HEBP2: variants seen among roughly 807,000 people sequenced by gnomAD.
The protein encoded by HEBP2 is heme-binding protein 2.
HEBP2 carries 27 observed loss-of-function variants against 23.1 expected under a neutral mutation model. The ratio of observed to expected loss-of-function variants is 1.17; its 90% CI spans 0.86 to 1.61. The LOEUF is 1.61. Among genes scored for constraint, HEBP2 ranks in the 40% most tolerant of loss-of-function variants. HEBP2 has a pLI of 0.00. For synonymous variants in HEBP2, 99 were observed against 95.1 expected, an observed-to-expected ratio of 1.04 and a Z score of -0.24; for missense variants, 245 against 253.8, an observed-to-expected ratio of 0.97 and a Z score of 0.24.
Position 138,405,266 on chromosome 6 carries a change from G to A in HEBP2, c.224G>A (p.Gly75Asp). Reference protein sequence around the residue: ...GFTKLNSYIQGKNEKEMKIKM... With the variant: ...GFTKLNSYIQDKNEKEMKIKM... ...ACGAAACTGAACAGCTACATTCAAG[G>A]CAAAAACGAGAAAGGTAAAAGCAGT... The change falls in exon 2 of 4, where the codon GGC becomes GAC. Residue 75 changes from glycine to aspartate, a missense_variant. Coordinates refer to ENST00000607197, the MANE Select transcript of HEBP2 (RefSeq NM_014320.3). 6.2e-7 allele frequency: 1 copy of A among 1,613,984 alleles called. No homozygotes were observed. The highest frequency in any genetic ancestry group is 8.5e-7 in the Non-Finnish European group (1 of 1,179,974).
Position 138,414,584 on chromosome 6 carries a change from G to A in HEBP2, c.*1506G>A, listed in dbSNP as rs1419344942. 6.6e-6 allele frequency: 1 copy of A among 152,244 alleles called. No individual in the cohort carries two copies. Among genetic ancestry groups the A allele is most frequent in the Non-Finnish European group, 1.5e-5 (1 of 68,072 alleles). 9.4% of individuals were successfully genotyped at this position (152,244 alleles called of 1,614,324 possible). ...TACCAGCCGCCCAGCTGTGAGGGGT[G>A]TGGTTCGCCGACAGTCTCCCCGTTA... On this transcript the variant is annotated 3_prime_UTR_variant, in exon 4 of 4. Transcript: ENST00000607197.
At position 138,415,653 on chromosome 6, in the gene HEBP2, A is replaced by G. The variant is rs1002316482; in HGVS notation, c.*2575A>G. ...CTCATCTCATGCTGTAGCCAAGCAG[A>G]GCAAGCTGAAGGCCAAGCACAGGAT... is the stretch of plus-strand genomic sequence containing the variant. On this transcript the variant is annotated 3_prime_UTR_variant, in exon 4 of 4. Transcript: ENST00000607197. 1 of 152,190 alleles carries G rather than the reference A, an allele frequency of 6.6e-6. No individual in the cohort carries two copies. The highest frequency in any genetic ancestry group is 1.5e-5 in the Non-Finnish European group (1 of 68,024). The allele number at this position is 152,190 out of a possible 1,614,324, so 9.4% of individuals were successfully genotyped here.
intron 3 of HEBP2, chr6:138,412,117 C>G (rs779497445): frequency 6.8e-6 from 3 of 437,996 alleles, no homozygotes; most frequent in South Asian, 3.2e-5. Context: ...AAGTGAAAAT[C>G]GAGTCTGGAA....
intron 3 of HEBP2, 101 bp downstream of exon 3, chr6:138,406,252 C>T: frequency 9.5e-7 from 1 of 1,054,940 alleles, no homozygotes; most frequent in Admixed American, 2.2e-5. Flanking sequence ...TTCACCCTTC[C>T]ATAAAATCAG....
At chr6:138,404,184 A>C, upstream of HEBP2, 2 of 260,356 alleles carry the variant, frequency 7.7e-6, no homozygotes, top group Non-Finnish European at 1.4e-5. Context: ...CGGGGGCGGA[A>C]GTGCCTCAAA....
Position 138,413,015 on chromosome 6 carries a change from G to T in HEBP2, c.555G>T (p.Leu185Phe). 6.2e-7 allele frequency: 1 copy of T among 1,613,984 alleles called. No individual in the cohort carries two copies. The highest frequency in any genetic ancestry group is 1.1e-5 in the South Asian group (1 of 91,078). The change falls in exon 4 of 4, where the codon TTG becomes TTT. Residue 185 changes from leucine (L) to phenylalanine (F), a missense_variant. Leu to Phe is a conservative substitution (Grantham distance 22). Transcript: ENST00000607197. Reference protein sequence around the residue: ...YTAGYNSPVKLLNRNNEVWLI... With the variant: ...YTAGYNSPVKFLNRNNEVWLI... ...CAGGCTACAACAGTCCTGTCAAATT[G>T]CTTAATAGAAATAATGAAGTGTGGT...
chr6:138,411,464 C>T (rs1010248439), intron 3 of HEBP2, among the ~76,000 whole-genome samples: 4 of 152,220 alleles, frequency 2.6e-5, no homozygotes, highest in African/African-American at 9.6e-5. Flanking sequence ...CTAGTTCTGA[C>T]TCACCTTCCT....
At chr6:138,408,431 A>T (rs1192433253) in intron 3 of HEBP2, among the ~76,000 whole-genome samples, 1 of 152,168 alleles carries the variant, frequency 6.6e-6, no homozygotes, top group East Asian at 1.9e-4. Context: ...TTGCCATGTC[A>T]TGACAAGGGT....
In HEBP2 at chr6:138,411,836, A is replaced by AGCAACTTG. The variant is rs1455068695; in HGVS notation, c.420-1042_420-1035dup. ...TAGTCCGATGTGCACCTGTGGTTCC[A>AGCAACTTG]GCAACTTGGGAGGCTGAGGTGGGAG... On this transcript the variant is annotated intron_variant, in intron 3 of 3. Transcript: ENST00000607197. Among the ~76,000 whole-genome samples, 6 of 152,284 alleles carry AGCAACTTG rather than the reference A, an allele frequency of 3.9e-5. No individual in the cohort carries two copies. The East Asian group carries it at 7.7e-4, about 20-fold the overall frequency.
In HEBP2 at chr6:138,413,188, C is replaced by A; in HGVS notation, c.*110C>A. ...CTAGTGTCTTCTATTGAGAGTACTA[C>A]TATTAATTAAGCTTATTTCCAATGT... On this transcript the variant is annotated 3_prime_UTR_variant, in exon 4 of 4. Coordinates refer to ENST00000607197, the MANE Select transcript of HEBP2 (RefSeq NM_014320.3). 1 of 786,386 alleles carries A rather than the reference C, an allele frequency of 1.3e-6. No homozygotes were observed. Among genetic ancestry groups the A allele is most frequent in the Non-Finnish European group, 2.1e-6 (1 of 482,376 alleles). The allele number at this position is 786,386 out of a possible 1,614,324, so 48.7% of individuals were successfully genotyped here.
At chr6:138,408,487 G>T (rs1441540415) in intron 3 of HEBP2, among the ~76,000 whole-genome samples, 1 of 151,932 alleles carries the variant, frequency 6.6e-6, no homozygotes, top group African/African-American at 2.4e-5. Flanking sequence ...TTCCATCCGA[G>T]ACCTTATGAG....
At position 138,420,418 on chromosome 6, in the gene HEBP2, G is replaced by A. The variant is rs1438083391; in HGVS notation, c.*7340G>A. 6.6e-6 allele frequency: 1 copy of A among 152,168 alleles called. No individual in the cohort carries two copies. Among genetic ancestry groups the A allele is most frequent in the Non-Finnish European group, 1.5e-5 (1 of 68,044 alleles). The allele number at this position is 152,168 out of a possible 1,614,324, so 9.4% of individuals were successfully genotyped here. ...GGGAAAATGGATCCACATAGGCAAG[G>A]GGTGGACCATGGCAGGCATAGAGCG... is the stretch of plus-strand genomic sequence containing the variant. On this transcript the variant is annotated 3_prime_UTR_variant, in exon 4 of 4. Transcript: ENST00000607197.
At chr6:138,405,603 C>T (rs759503863) in intron 2 of HEBP2, among the ~76,000 whole-genome samples, 1 of 152,178 alleles carries the variant, frequency 6.6e-6, no homozygotes, top group Non-Finnish European at 1.5e-5. Flanking sequence ...AGATTAGAAG[C>T]ATCAAGTCAT....
rs752182637 is a variant in HEBP2 at position 138,405,956 on chromosome 6, A to T, written c.239-15A>T. On this transcript the variant is annotated splice_polypyrimidine_tract_variant and intron_variant, in intron 2 of 3. Transcript: ENST00000607197. Reference sequence around the variant, plus strand: ...TCAAAAATACACTAAATTTGCTTTCATTTTTATGTCACAGAGATGAAAATA... The same window carrying T: ...TCAAAAATACACTAAATTTGCTTTCTTTTTTATGTCACAGAGATGAAAATA... The T allele has an allele frequency of 1.2e-6, 2 of 1,603,206 alleles. No individual in the cohort carries two copies. The highest frequency in any genetic ancestry group is 1.7e-6 in the Non-Finnish European group (2 of 1,174,924).
chr6:138,405,003 G>A lies in HEBP2; in HGVS notation c.103-142G>A, dbSNP rs1262599453. 3.6e-6 allele frequency: 3 copies of A among 822,704 alleles called. No homozygotes were observed. In the African/African-American group the frequency reaches 5.2e-5, roughly 14 times the overall value. 51.0% of individuals were successfully genotyped at this position (822,704 alleles called of 1,614,324 possible). ...GGAACCTCCCAGACCTAAGGAGCGG[G>A]GACCTCAGGCCGGACCCCGGGGCGG... On this transcript the variant is annotated intron_variant, in intron 1 of 3. Transcript: ENST00000607197.
intron 3 of HEBP2, 88 bp downstream of exon 3, chr6:138,406,239 T>G: frequency 8.6e-7 from 1 of 1,163,742 alleles, no homozygotes; most frequent in South Asian, 1.5e-5. Context: ...TTCAAAAGGC[T>G]TTTTCACCCT....
chr6:138,408,484 C>T (rs781159501), intron 3 of HEBP2, among the ~76,000 whole-genome samples: 1 of 152,118 alleles, frequency 6.6e-6, no homozygotes, highest in African/African-American at 2.4e-5. Flanking sequence ...CATTTCCATC[C>T]GAGACCTTAT....
Position 138,421,656 on chromosome 6 carries a change from G to A in HEBP2, c.*8578G>A, listed in dbSNP as rs1032278600. The A allele has an allele frequency of 6.6e-6, 1 of 152,214 alleles. No homozygotes were observed. Among genetic ancestry groups the A allele is most frequent in the Non-Finnish European group, 1.5e-5 (1 of 68,050 alleles). The allele number at this position is 152,214 out of a possible 1,614,324, so 9.4% of individuals were successfully genotyped here. ...GTCCATAACAGAAGCGGGCCCCAAG[G>A]AGTAGAGTAGCCACATGGAAGGTGC... On this transcript the variant is annotated 3_prime_UTR_variant, in exon 4 of 4. Transcript: ENST00000607197.
At chr6:138,411,796 G>C (rs1774749636) in intron 3 of HEBP2, among the ~76,000 whole-genome samples, 1 of 152,130 alleles carries the variant, frequency 6.6e-6, no homozygotes. Context: ...TGTCTCTACA[G>C]GTTTTTTAAA....
Sources: gnomAD v4.1 joint callset for allele counts (sites outside exome capture counted in the v4.1 genomes callset) on GRCh38, gnomAD v4.1.1 for gene constraint, MANE v1.5 for transcripts, NCBI Gene and HGNC (gene_info 2026-07-23, HGNC 2026-07-21) for gene names.